Variants in L3MBTL4 observed in about 807,000 individuals in gnomAD.
L3MBTL4 encodes L3MBTL histone methyl-lysine binding protein 4, also known as lethal(3)malignant brain tumor-like protein 4.
A neutral mutation model predicts 84.5 loss-of-function variants in L3MBTL4; 70 were observed. That is an observed-to-expected ratio of 0.83 (90% CI 0.68 to 1.01). The LOEUF is 1.01. Ranked by LOEUF, L3MBTL4 falls within the 50% of genes least tolerant of loss-of-function variation. The probability of loss-of-function intolerance (pLI) is 0.00; values close to 1 mark genes in which losing one functional copy is unlikely to be tolerated. For synonymous variants in L3MBTL4, 274 were observed against 259.8 expected (o/e 1.05, Z -0.52); for missense variants, 715 against 754.8 (o/e 0.95, Z 0.62).
At chr18:6,131,748 T>C (rs545083828) in intron 14 of L3MBTL4, among the ~76,000 whole-genome samples, 1 of 152,204 alleles carries the variant, frequency 6.6e-6, no homozygotes, top group African/African-American at 2.4e-5. Context: ...CATGTGTGTG[T>C]GCGCAAGTGC....
At chr18:6,401,480 C>G (rs142841781) in intron 1 of L3MBTL4, among the ~76,000 whole-genome samples, 1 of 152,044 alleles carries the variant, frequency 6.6e-6, no homozygotes, top group Non-Finnish European at 1.5e-5. Context: ...TCCCAAACCA[C>G]GAAAAGTGCA....
intron 16 of L3MBTL4, among the ~76,000 whole-genome samples, chr18:6,032,545 T>C (rs1452740244): frequency 1.3e-5 from 2 of 152,082 alleles, no homozygotes; most frequent in Non-Finnish European, 2.9e-5. Flanking sequence ...TGTTTTTTTT[T>C]TATTGTGGTA....
intron 16 of L3MBTL4, among the ~76,000 whole-genome samples, chr18:6,004,028 G>C (rs1001430344): frequency 4.6e-5 from 7 of 151,734 alleles, no homozygotes; most frequent in African/African-American, 1.7e-4. Context: ...AAAGATTATA[G>C]TGGAGAAAAT....
At chr18:6,300,285 G>A (rs2050280931) in intron 4 of L3MBTL4, among the ~76,000 whole-genome samples, 1 of 152,136 alleles carries the variant, frequency 6.6e-6, no homozygotes, top group African/African-American at 2.4e-5. Context: ...GCAGTTCATA[G>A]TATCTACATA....
At chr18:6,093,796 G>C (rs929772473) in intron 14 of L3MBTL4, among the ~76,000 whole-genome samples, 2 of 152,124 alleles carry the variant, frequency 1.3e-5, no homozygotes, top group Non-Finnish European at 2.9e-5. Flanking sequence ...AAAAATCTAA[G>C]AATAGCATAC....
At chr18:6,036,090 T>C (rs569234313) in intron 16 of L3MBTL4, among the ~76,000 whole-genome samples, 1 of 152,314 alleles carries the variant, frequency 6.6e-6, no homozygotes, top group East Asian at 1.9e-4. Flanking sequence ...GGATCCCTTG[T>C]ATGTGATGCC....
intron 14 of L3MBTL4, among the ~76,000 whole-genome samples, chr18:6,094,091 C>CT (rs1325767764): frequency 6.6e-6 from 1 of 152,218 alleles, no homozygotes; most frequent in Non-Finnish European, 1.5e-5. Context: ...CCCAGGTCTG[C>CT]TGAGTCTATT....
intron 13 of L3MBTL4, among the ~76,000 whole-genome samples, chr18:6,168,381 G>A (rs1257018324): frequency 1.3e-5 from 2 of 152,068 alleles, no homozygotes; most frequent in Admixed American, 6.6e-5. Context: ...TCAATCCTAA[G>A]CCAAAAGAAC....
At chr18:5,961,942 G>A (rs570932780) in intron 17 of L3MBTL4, among the ~76,000 whole-genome samples, 1 of 152,308 alleles carries the variant, frequency 6.6e-6, no homozygotes, top group Admixed American at 6.5e-5. Flanking sequence ...TGGGGCCCAG[G>A]ACACTGAGGG....
chr18:6,368,669 G>A (rs7228078), intron 1 of L3MBTL4, among the ~76,000 whole-genome samples: 3,296 of 152,258 alleles, frequency 0.022, 57 homozygotes, highest in Middle Eastern at 0.082. Flanking sequence ...AGGAGCCTAC[G>A]ACACAATTAT....
intron 1 of L3MBTL4, among the ~76,000 whole-genome samples, chr18:6,354,527 C>G (rs1438282053): frequency 6.6e-6 from 1 of 151,988 alleles, no homozygotes; most frequent in Non-Finnish European, 1.5e-5. Flanking sequence ...TGCAAACTTC[C>G]CAGCTGACAA....
intron 14 of L3MBTL4, among the ~76,000 whole-genome samples, chr18:6,129,019 C>A (rs746655184): frequency 2.0e-5 from 3 of 151,998 alleles, no homozygotes; most frequent in Non-Finnish European, 4.4e-5. Flanking sequence ...GCCAACCCAA[C>A]AAGCAGGAGG....
intron 14 of L3MBTL4, among the ~76,000 whole-genome samples, chr18:6,124,186 T>G (rs140362852): frequency 3.3e-5 from 5 of 152,052 alleles, no homozygotes; most frequent in African/African-American, 1.2e-4. Flanking sequence ...GAATGGAAAA[T>G]GATGAGAGAA....
intron 16 of L3MBTL4, among the ~76,000 whole-genome samples, chr18:6,051,652 G>A (rs985755555): frequency 2.0e-5 from 3 of 152,174 alleles, no homozygotes; most frequent in Non-Finnish European, 2.9e-5. Flanking sequence ...CAGTGGATTG[G>A]GCGTGTTCTG....
At chr18:6,089,220 T>C (rs149729451) in intron 15 of L3MBTL4, among the ~76,000 whole-genome samples, 192 of 152,226 alleles carry the variant, frequency 1.3e-3, no homozygotes, top group African/African-American at 4.4e-3. Flanking sequence ...ATGATGAAAA[T>C]GTTTTAATGA....
At chr18:6,397,421 C>T (rs1001482644) in intron 1 of L3MBTL4, 2 of 152,270 alleles carry the variant, frequency 1.3e-5, no homozygotes, top group East Asian at 3.9e-4. Flanking sequence ...TTTAAAAAAT[C>T]AAAGTACCAG....
chr18:5,964,519 T>C (rs2052239526), intron 17 of L3MBTL4, among the ~76,000 whole-genome samples: 1 of 152,142 alleles, frequency 6.6e-6, no homozygotes, highest in Non-Finnish European at 1.5e-5. Flanking sequence ...CCTTTTTTTT[T>C]TCTAAGGGCC....
intron 1 of L3MBTL4, among the ~76,000 whole-genome samples, chr18:6,346,396 C>G (rs11662417): frequency 0.2 from 29,684 of 151,582 alleles, 3,662 homozygotes; most frequent in African/African-American, 0.35. Context: ...TCACCAAAAT[C>G]AAGCGATGAC....
chr18:6,297,531 A>C lies in L3MBTL4; in HGVS notation c.127+4372T>G, dbSNP rs576329231. On this transcript the variant is annotated intron_variant, in intron 4 of 18. Transcript: ENST00000317931. ...ATTTGCCACTTTTCTGTAATCCTAA[A>C]ATTTTTCCAAAAATAAAAGTTTACT... is the stretch of plus-strand genomic sequence containing the variant. Among the ~76,000 whole-genome samples, 10 of 152,296 alleles carry C rather than the reference A, an allele frequency of 6.6e-5. No individual in the cohort carries two copies. In the East Asian group the frequency reaches 1.9e-3, roughly 29 times the overall value.
Sources: allele counts gnomAD v4.1 joint callset (sites outside exome capture counted in the v4.1 genomes callset), GRCh38; gene constraint gnomAD v4.1.1; transcripts MANE v1.5; gene names NCBI Gene and HGNC (gene_info 2026-07-23, HGNC 2026-07-21).